The following PIGX variants were observed in gnomAD, a reference collection of about 807,000 sequenced individuals.
The protein encoded by PIGX is phosphatidylinositol glycan anchor biosynthesis class X, also known as GPI alpha-1,4-mannosyltransferase I, stabilizing subunit.
PIGX carries 24 observed loss-of-function variants against 28.7 expected under a neutral mutation model. That is an observed-to-expected ratio of 0.84 (90% CI 0.60 to 1.17). The LOEUF (loss-of-function observed/expected upper bound fraction) is 1.17, where lower values mean the gene tolerates loss of function less well. Among genes scored for constraint, PIGX ranks in the 50% most tolerant of loss-of-function variants. The pLI, the probability that PIGX is intolerant of heterozygous loss-of-function variation, is 0.00. For missense variants in PIGX, 305 were observed against 317.8 expected, an observed-to-expected ratio of 0.96 and a Z score of 0.31; for synonymous variants, 127 against 121.0, an observed-to-expected ratio of 1.05 and a Z score of -0.33.
chr3:196,724,274 CAA>C (rs1433837570), intron 3 of PIGX, among the ~76,000 whole-genome samples: 2 of 152,102 alleles, frequency 1.3e-5, no homozygotes, highest in Admixed American at 6.6e-5. Context: ...CTTGGCCTCC[CAA>C]AGTGCTGGGA....
intron 2 of PIGX, among the ~76,000 whole-genome samples, chr3:196,722,083 GT>G (rs1199350405): frequency 6.6e-6 from 1 of 152,136 alleles, no homozygotes; most frequent in Non-Finnish European, 1.5e-5. Context: ...TAAATATCCA[GT>G]TGTTTCAGTG....
intron 3 of PIGX, 39 bp from the exon 4 acceptor site, chr3:196,727,884 C>G (rs767629869): frequency 6.6e-6 from 9 of 1,365,864 alleles, no homozygotes; most frequent in Non-Finnish European, 9.3e-6. Context: ...CTTCCTCATT[C>G]ATTTCTTCTT....
chr3:196,715,139 G>A (rs781613481), intron 1 of PIGX, among the ~76,000 whole-genome samples: 4 of 152,108 alleles, frequency 2.6e-5, no homozygotes, highest in Non-Finnish European at 5.9e-5. Context: ...ATTGGTACAA[G>A]ATACATATGG....
chr3:196,732,224 A>T (rs1314830948), intron 5 of PIGX, among the ~76,000 whole-genome samples: 2 of 31,020 alleles, frequency 6.4e-5, no homozygotes, highest in Admixed American at 3.6e-4. Context: ...ATTTATATAT[A>T]TATATATATA....
chr3:196,728,057 C>CT lies in PIGX; in HGVS notation c.454dup (p.Tyr152LeufsTer7). On this transcript the variant is annotated frameshift_variant, in exon 4 of 6. Coordinates refer to ENST00000392391, the MANE Select transcript of PIGX (RefSeq NM_017861.4). LOFTEE classifies it high-confidence loss of function. ...AAGCCTTTTTGCCTGTGCACTGCCG[C>CT]TATCATCGGCCGCACAGTGAAGATG... The CT allele has an allele frequency of 6.2e-7, 1 of 1,614,150 alleles. No homozygotes were observed.
intron 5 of PIGX, among the ~76,000 whole-genome samples, 165 bp downstream of exon 5, chr3:196,731,257 A>C (rs1043756058): frequency 6.6e-6 from 1 of 151,210 alleles, no homozygotes; most frequent in Non-Finnish European, 1.5e-5. Flanking sequence ...GGCTCACTGC[A>C]GCCTCCGCCT....
intron 2 of PIGX, among the ~76,000 whole-genome samples, chr3:196,717,551 C>G (rs1185625593): frequency 6.6e-6 from 1 of 152,128 alleles, no homozygotes; most frequent in Non-Finnish European, 1.5e-5. Flanking sequence ...AGAACCTACA[C>G]ACACCCTCTC....
intron 3 of PIGX, among the ~76,000 whole-genome samples, chr3:196,726,338 T>C (rs963456301): frequency 6.6e-6 from 1 of 151,860 alleles, no homozygotes; most frequent in East Asian, 1.9e-4. Flanking sequence ...AGGCAGCTCA[T>C]GCCTATTATC....
chr3:196,721,539 G>A (rs1712323315), intron 2 of PIGX, among the ~76,000 whole-genome samples: 1 of 151,624 alleles, frequency 6.6e-6, no homozygotes, highest in Admixed American at 6.6e-5. Flanking sequence ...GGGCTCAAAA[G>A]ATTCTCCTAC....
chr3:196,731,603 A>G (rs990894753), intron 5 of PIGX, among the ~76,000 whole-genome samples: 1 of 152,236 alleles, frequency 6.6e-6, no homozygotes, highest in African/African-American at 2.4e-5. Context: ...TGACTCTGCA[A>G]TCTTATGCAG....
rs1270737936 is a variant in PIGX at position 196,733,504 on chromosome 3, C to T, written c.634-255C>T. ...CAGCTCACTGCAAACCTCCGCCTCC[C>T]GGGTTCAAGTGATTGTTCTGTCTTA... On this transcript the variant is annotated intron_variant, in intron 5 of 5. Coordinates refer to ENST00000392391, the MANE Select transcript of PIGX (RefSeq NM_017861.4). This position sits in a 1 kb window ranked among gnomAD's most constrained non-coding sequence, Gnocchi z 4.3. 2.6e-5 allele frequency among the ~76,000 whole-genome samples: 4 copies of T among 152,088 alleles called. No individual in the cohort carries two copies. The highest frequency in any genetic ancestry group is 6.5e-5 in the Admixed American group (1 of 15,268).
At chr3:196,722,387 A>T in intron 2 of PIGX, 28 bp from the exon 3 acceptor site, 1 of 1,556,190 alleles carries the variant, frequency 6.4e-7, no homozygotes, top group Non-Finnish European at 8.8e-7. Flanking sequence ...GAATGAAGAG[A>T]TTTACTTTCA....
intron 1 of PIGX, among the ~76,000 whole-genome samples, chr3:196,715,466 G>C (rs771674568): frequency 6.6e-6 from 1 of 152,120 alleles, no homozygotes; most frequent in Non-Finnish European, 1.5e-5. Context: ...GATCGTGAAA[G>C]TTAAAACACA....
At chr3:196,726,824 A>G (rs1023143624) in intron 3 of PIGX, 3 of 309,266 alleles carry the variant, frequency 9.7e-6, no homozygotes, top group Non-Finnish European at 2.0e-5. Flanking sequence ...ATAACAGTAG[A>G]TAGATCGAGA....
intron 3 of PIGX, among the ~76,000 whole-genome samples, chr3:196,724,162 A>G (rs541862837): frequency 2.0e-5 from 3 of 151,782 alleles, no homozygotes; most frequent in South Asian, 4.2e-4. Context: ...TTACAGGTGC[A>G]TGCCACCATG....
intron 3 of PIGX, among the ~76,000 whole-genome samples, chr3:196,724,486 T>C (rs1473942747): frequency 2.6e-5 from 4 of 152,190 alleles, no homozygotes; most frequent in African/African-American, 4.8e-5. Context: ...TCAAAGTTTT[T>C]TGGATGGGGG....
chr3:196,732,283 A>T (rs192647251), intron 5 of PIGX, among the ~76,000 whole-genome samples: 3,608 of 22,436 alleles, frequency 0.16, 357 homozygotes, highest in African/African-American at 0.23. Context: ...TTTTTTTTTT[A>T]TTTTATTTTT....
At chr3:196,714,594 G>A (rs561777828) in intron 1 of PIGX, among the ~76,000 whole-genome samples, 2 of 151,738 alleles carry the variant, frequency 1.3e-5, no homozygotes, top group Admixed American at 6.6e-5. Context: ...CCCAAGTAGC[G>A]GGAACTACAG....
intron 4 of PIGX, among the ~76,000 whole-genome samples, chr3:196,730,412 T>A (rs1324183846): frequency 6.6e-6 from 1 of 152,112 alleles, no homozygotes; most frequent in Non-Finnish European, 1.5e-5. Context: ...TTACATTAAA[T>A]TTTTAAGAGC....
Sources: gnomAD v4.1 joint callset for allele counts (sites outside exome capture counted in the v4.1 genomes callset) on GRCh38, gnomAD v4.1.1 for gene constraint, Gnocchi (gnomAD v3.1) non-coding constraint, MANE v1.5 for transcripts, NCBI Gene and HGNC (gene_info 2026-07-23, HGNC 2026-07-21) for gene names.